The following GALNT13 variants were observed in gnomAD, a reference collection of about 807,000 sequenced individuals.
The protein encoded by GALNT13 is UDP-GalNAc:polypeptide N-acetylgalactosaminyltransferase 13.
In GALNT13, 28 loss-of-function variants were observed where a neutral mutation model predicts 64.2. That is an observed-to-expected ratio of 0.44 (90% CI 0.32 to 0.60). The LOEUF is 0.60. Ranked by LOEUF, GALNT13 falls within the 20% of genes least tolerant of loss-of-function variation. The probability of loss-of-function intolerance (pLI) is 0.05; values close to 1 mark genes in which losing one functional copy is unlikely to be tolerated. For missense variants in GALNT13, 577 were observed against 669.8 expected (o/e 0.86, Z 1.53); for synonymous variants, 214 against 224.6 (o/e 0.95, Z 0.42).
the GALNT13 span, among the ~76,000 whole-genome samples, chr2:153,328,466 C>T: frequency 6.6e-6 from 1 of 152,228 alleles, no homozygotes. Context: ...AAGCCCCTGA[C>T]TGGGGCTGCT....
At chr2:153,588,343 A>G in the GALNT13 span, among the ~76,000 whole-genome samples, 23 of 152,312 alleles carry the variant, frequency 1.5e-4, no homozygotes, top group East Asian at 4.3e-3. Context: ...GAGGTTCTCC[A>G]TGAGGGCACC....
chr2:153,601,069 T>A, the GALNT13 span, among the ~76,000 whole-genome samples: 1 of 151,816 alleles, frequency 6.6e-6, no homozygotes, highest in Non-Finnish European at 1.5e-5. Flanking sequence ...AAGACATTAC[T>A]AACCAAAGAT....
chr2:153,188,328 A>G, the GALNT13 span, among the ~76,000 whole-genome samples: 1 of 152,148 alleles, frequency 6.6e-6, no homozygotes, highest in South Asian at 2.1e-4. Flanking sequence ...CAGGTAGTCT[A>G]TTCACCGCAA....
At chr2:153,296,684 A>T in the GALNT13 span, among the ~76,000 whole-genome samples, 1 of 152,190 alleles carries the variant, frequency 6.6e-6, no homozygotes, top group Non-Finnish European at 1.5e-5. Flanking sequence ...TCTAGTAGTT[A>T]CTTGAAGAGA....
chr2:154,437,619 G>T lies in GALNT13; in HGVS notation c.1396-973G>T, dbSNP rs1396167083. On this transcript the variant is annotated intron_variant, in intron 11 of 12. Transcript: ENST00000392825. ...CACCTGTAATCCCAGCACTTTGGGA[G>T]GCCGAGGCAGGTGGATCATGAGGTC... The T allele has an allele frequency of 4.5e-6, 4 of 895,454 alleles. No individual in the cohort carries two copies. The Admixed American group carries it at 7.1e-5, about 16-fold the overall frequency. 55.5% of individuals were successfully genotyped at this position (895,454 alleles called of 1,614,324 possible). A position where few individuals can be genotyped will look rare whatever the true frequency, so the allele number is the denominator to read the frequency against.
At chr2:154,021,276 A>C (rs538695605) in intron 3 of GALNT13, among the ~76,000 whole-genome samples, 3 of 152,146 alleles carry the variant, frequency 2.0e-5, no homozygotes, top group Non-Finnish European at 4.4e-5. Flanking sequence ...CATTGAATCT[A>C]TAAATTACCT....
chr2:153,109,784 G>A, the GALNT13 span, among the ~76,000 whole-genome samples: 951 of 152,174 alleles, frequency 6.2e-3, 5 homozygotes, highest in African/African-American at 0.021. Flanking sequence ...AAAAATAAAG[G>A]TTCAGTGGTG....
At chr2:153,136,354 T>C in the GALNT13 span, among the ~76,000 whole-genome samples, 3 of 152,102 alleles carry the variant, frequency 2.0e-5, no homozygotes, top group Admixed American at 2.0e-4. Flanking sequence ...CATGTCTCGT[T>C]TTAAAATCCT....
chr2:154,448,512 A>G (rs1182244292), intron 12 of GALNT13, among the ~76,000 whole-genome samples: 4 of 152,048 alleles, frequency 2.6e-5, no homozygotes, highest in Non-Finnish European at 5.9e-5. Flanking sequence ...ACCTGAGTCT[A>G]AAAGGTCTGG....
chr2:153,770,873 G>T, the GALNT13 span, among the ~76,000 whole-genome samples: 497 of 152,326 alleles, frequency 3.3e-3, 5 homozygotes, highest in African/African-American at 0.011. Context: ...TCTTTGAGGT[G>T]TGGTCTTGTG....
intron 2 of GALNT13, among the ~76,000 whole-genome samples, chr2:153,936,821 A>G (rs1020576583): frequency 2.6e-5 from 4 of 151,950 alleles, no homozygotes; most frequent in African/African-American, 9.7e-5. Context: ...CCCGGGTTCA[A>G]GTGATTCTCC....
At chr2:154,240,489 C>A (rs1211817575) in intron 4 of GALNT13, among the ~76,000 whole-genome samples, 11 of 152,140 alleles carry the variant, frequency 7.2e-5, no homozygotes, top group Admixed American at 6.5e-4. Context: ...TTGAATAAAT[C>A]TCCAGGTGAT....
At chr2:154,363,370 C>T (rs1432215402) in intron 9 of GALNT13, among the ~76,000 whole-genome samples, 3 of 151,758 alleles carry the variant, frequency 2.0e-5, no homozygotes, top group African/African-American at 4.8e-5. Context: ...TTTTGTGGAG[C>T]GGGGGGAAGC....
At chr2:153,979,975 T>C (rs950392951) in intron 3 of GALNT13, among the ~76,000 whole-genome samples, 1 of 152,206 alleles carries the variant, frequency 6.6e-6, no homozygotes, top group African/African-American at 2.4e-5. Flanking sequence ...TGTGCTGTGA[T>C]ATGAGAGTAA....
chr2:154,077,788 G>C (rs1255637997), intron 3 of GALNT13, among the ~76,000 whole-genome samples: 1 of 151,526 alleles, frequency 6.6e-6, no homozygotes, highest in Non-Finnish European at 1.5e-5. Context: ...TGAAAAACTA[G>C]AGGCAATAAT....
chr2:153,231,849 A>C, the GALNT13 span, among the ~76,000 whole-genome samples: 11 of 152,220 alleles, frequency 7.2e-5, no homozygotes, highest in South Asian at 2.3e-3. Flanking sequence ...GGTCCCACCA[A>C]GAAAGGGATG....
chr2:153,425,603 C>T, the GALNT13 span, among the ~76,000 whole-genome samples: 68 of 151,848 alleles, frequency 4.5e-4, no homozygotes, highest in African/African-American at 1.5e-3. Flanking sequence ...AATAGAAAAA[C>T]ATGTATCTGA....
At chr2:153,674,633 G>T in the GALNT13 span, among the ~76,000 whole-genome samples, 1 of 152,120 alleles carries the variant, frequency 6.6e-6, no homozygotes, top group African/African-American at 2.4e-5. Context: ...TCAGGAGATA[G>T]GCATAGGCAA....
the GALNT13 span, among the ~76,000 whole-genome samples, chr2:153,075,470 C>G: frequency 5.3e-5 from 8 of 152,144 alleles, no homozygotes; most frequent in African/African-American, 1.9e-4. Context: ...AATATCAACA[C>G]TATGACCAAT....
Sources: allele counts gnomAD v4.1 joint callset (sites outside exome capture counted in the v4.1 genomes callset), GRCh38; gene constraint gnomAD v4.1.1; transcripts MANE v1.5; gene names NCBI Gene and HGNC (gene_info 2026-07-23, HGNC 2026-07-21).